Variants in ARID1A observed in about 807,000 individuals in gnomAD.
ARID1A encodes AT-rich interactive domain-containing protein 1A.
ARID1A carries 20 observed loss-of-function variants against 212.6 expected under a neutral mutation model. That is an observed-to-expected ratio of 0.09 (90% CI 0.07 to 0.14). The LOEUF (loss-of-function observed/expected upper bound fraction) is 0.14, where lower values mean the gene tolerates loss of function less well. Among genes scored for constraint, ARID1A ranks in the 10% least tolerant of loss-of-function variants. The probability of loss-of-function intolerance (pLI) is 1.00; values close to 1 mark genes in which losing one functional copy is unlikely to be tolerated. For synonymous variants in ARID1A, 1,376 were observed against 1,222.1 expected (o/e 1.13, Z -2.63); for missense variants, 2,587 against 3,059.0 (o/e 0.85, Z 3.64).
chr1:26,702,838 A>G (rs987902841), intron 1 of ARID1A, among the ~76,000 whole-genome samples: 6 of 152,294 alleles, frequency 3.9e-5, no homozygotes, highest in African/African-American at 9.6e-5. Context: ...GTTAAAGTCA[A>G]TTGCAGTTTC....
chr1:26,711,112 C>CTTT (rs2080449509), intron 1 of ARID1A, among the ~76,000 whole-genome samples: 1 of 151,196 alleles, frequency 6.6e-6, no homozygotes, highest in Admixed American at 6.6e-5. Flanking sequence ...ATGTCTCTTG[C>CTTT]TCTTTTTTTT....
chr1:26,777,533 C>T (rs527586583), intron 19 of ARID1A, among the ~76,000 whole-genome samples: 71 of 152,066 alleles, frequency 4.7e-4, no homozygotes, highest in African/African-American at 1.4e-3. Context: ...TTCCAGGCCC[C>T]GGATAACTTC....
Position 26,740,408 on chromosome 1 carries a change from T to G in ARID1A, c.1920+7616T>G, listed in dbSNP as rs537693256. ...CACTGATCCATTTATGTCTCAATAG[T>G]TGAAGGAAGAAGTCATGTTGAAGTT... On this transcript the variant is annotated intron_variant, in intron 4 of 19. Transcript: ENST00000324856. 5.3e-5 allele frequency among the ~76,000 whole-genome samples: 8 copies of G among 152,352 alleles called. No individual in the cohort carries two copies. The South Asian group carries it at 1.7e-3, about 32-fold the overall frequency.
chr1:26,740,367 C>A (rs1168854329), intron 4 of ARID1A, among the ~76,000 whole-genome samples: 5 of 152,146 alleles, frequency 3.3e-5, no homozygotes, highest in African/African-American at 1.2e-4. Flanking sequence ...TGAGTGCTGT[C>A]AGAGTTTGGT....
intron 1 of ARID1A, among the ~76,000 whole-genome samples, chr1:26,697,792 C>T (rs1293347515): frequency 6.6e-6 from 1 of 150,386 alleles, no homozygotes; most frequent in Non-Finnish European, 1.5e-5. Flanking sequence ...TCCCTTCGAA[C>T]TCCAGGGGTC....
At chr1:26,711,348 C>T (rs1310321289) in intron 1 of ARID1A, among the ~76,000 whole-genome samples, 1 of 152,058 alleles carries the variant, frequency 6.6e-6, no homozygotes, top group Admixed American at 6.6e-5. Flanking sequence ...GTCTCAAACT[C>T]CTGACCTCAA....
At position 26,717,248 on chromosome 1, in the gene ARID1A, C is replaced by A. The variant is rs535356054; in HGVS notation, c.1138-12403C>A. Among the ~76,000 whole-genome samples the A allele has an allele frequency of 4.6e-5, 7 of 152,292 alleles. 1 individual carries two copies. In the South Asian group the frequency reaches 1.2e-3, roughly 27 times the overall value. On this transcript the variant is annotated intron_variant, in intron 1 of 19. Transcript: ENST00000324856. Reference sequence around the variant, plus strand: ...TTTTTAAGTAGGTATTTTGAAACTGCTCTCAACCCCATTTTGCCATTTCTC... The same window carrying A: ...TTTTTAAGTAGGTATTTTGAAACTGATCTCAACCCCATTTTGCCATTTCTC...
At chr1:26,698,020 G>A (rs1240013124) in intron 1 of ARID1A, among the ~76,000 whole-genome samples, 4 of 152,202 alleles carry the variant, frequency 2.6e-5, no homozygotes, top group African/African-American at 9.6e-5. Context: ...GAGCTCGAGG[G>A]GACCTCGAGG....
At chr1:26,728,078 T>C (rs772217292) in intron 1 of ARID1A, among the ~76,000 whole-genome samples, 1 of 152,222 alleles carries the variant, frequency 6.6e-6, no homozygotes, top group Non-Finnish European at 1.5e-5. Context: ...AAAAATTGTT[T>C]AGTTAGGATT....
chr1:26,699,245 C>T (rs1448288659), intron 1 of ARID1A, among the ~76,000 whole-genome samples: 2 of 152,164 alleles, frequency 1.3e-5, no homozygotes, highest in Non-Finnish European at 2.9e-5. Context: ...GAAATTGCAA[C>T]TTCTGAGTAC....
intron 1 of ARID1A, chr1:26,729,348 G>A (rs532234062): frequency 2.5e-4 from 99 of 399,628 alleles, no homozygotes; most frequent in South Asian, 2.4e-3. Flanking sequence ...TCTACCAACT[G>A]AAGGGCCTTT....
chr1:26,723,589 A>AG (rs1275607317), intron 1 of ARID1A, among the ~76,000 whole-genome samples: 3 of 152,226 alleles, frequency 2.0e-5, no homozygotes, highest in African/African-American at 7.2e-5. Flanking sequence ...TCATGGCCAG[A>AG]GATTACGAGC....
In ARID1A at chr1:26,696,258, G is replaced by T. The variant is rs1214027198; in HGVS notation, c.-146G>T. 4.9e-6 allele frequency: 5 copies of T among 1,015,336 alleles called. No homozygotes were observed. The South Asian group carries it at 2.0e-4, about 40-fold the overall frequency. 62.9% of individuals were successfully genotyped at this position (1,015,336 alleles called of 1,614,324 possible). On this transcript the variant is annotated 5_prime_UTR_variant, in exon 1 of 20. Coordinates refer to ENST00000324856, the MANE Select transcript of ARID1A (RefSeq NM_006015.6). ...CCGGCGGGGCGGGGGGGAGAGGAGCGAGCGCAGCGCAGCAGCGGAGCCCCG... is the reference window on the plus strand; with the variant it reads ...CCGGCGGGGCGGGGGGGAGAGGAGCTAGCGCAGCGCAGCAGCGGAGCCCCG...
In ARID1A at chr1:26,716,622, GTTTTGT is replaced by G. The variant is rs1348427120; in HGVS notation, c.1138-13013_1138-13008del. Among the ~76,000 whole-genome samples the G allele has an allele frequency of 7.9e-5, 12 of 151,936 alleles. 1 individual carries two copies. Among genetic ancestry groups the G allele is most frequent in the Admixed American group, 1.3e-4 (2 of 15,236 alleles). ...CATTGTTCCTCAGCAAGGCTCTTCT[GTTTTGT>G]TTTTGTTTTTGTTTTACGGGGAGAT... On this transcript the variant is annotated intron_variant, in intron 1 of 19. Transcript: ENST00000324856.
chr1:26,741,786 A>ATT (rs1296643001), intron 4 of ARID1A, among the ~76,000 whole-genome samples: 1 of 152,232 alleles, frequency 6.6e-6, no homozygotes, highest in African/African-American at 2.4e-5. Context: ...TTTCTGAGCC[A>ATT]TTCTTTAGAT....
chr1:26,751,981 A>G (rs866425761), intron 4 of ARID1A, among the ~76,000 whole-genome samples: 6 of 152,202 alleles, frequency 3.9e-5, no homozygotes, highest in South Asian at 4.1e-4. Context: ...ATCCTATGCA[A>G]TGGTTTCTAA....
In ARID1A at chr1:26,780,446, G is replaced by A. The variant is rs1470694207; in HGVS notation, c.6548G>A (p.Arg2183His). The A allele has an allele frequency of 3.7e-6, 6 of 1,614,236 alleles. No individual in the cohort carries two copies. Among genetic ancestry groups the A allele is most frequent in the Non-Finnish European group, 5.1e-6 (6 of 1,180,036 alleles). ...NLAQGDSLAA[R>H]AIAVQKGSIG... ...GCTCAGGGGGACAGCCTGGCAGCTCGTGCCATTGCAGTGCAGAAGGGCAGT... is the reference window on the plus strand; with the variant it reads ...GCTCAGGGGGACAGCCTGGCAGCTCATGCCATTGCAGTGCAGAAGGGCAGT... Residue 2183 changes from arginine to histidine, a missense_variant, in exon 20 of 20, where the codon CGT becomes CAT. Physicochemically the swap from Arg to His is conservative, Grantham distance 29. Coordinates refer to ENST00000324856, the MANE Select transcript of ARID1A (RefSeq NM_006015.6). The surrounding 1 kb of genome is among the most constrained non-coding windows in gnomAD (Gnocchi z 7.2).
intron 4 of ARID1A, among the ~76,000 whole-genome samples, chr1:26,746,524 G>A (rs1447316204): frequency 6.6e-6 from 1 of 152,212 alleles, no homozygotes; most frequent in African/African-American, 2.4e-5. Flanking sequence ...GAAACCACTA[G>A]GGTCCTTTAA....
Position 26,696,995 on chromosome 1 carries a change from C to T in ARID1A, c.592C>T (p.Pro198Ser), listed in dbSNP as rs777557012. ...GGGGLEPYAG[P>S]QQNSHDHGFP... Reference sequence around the variant, plus strand: ...CGGGGGCCTGGAGCCCTACGCGGGGCCCCAGCAGAACTCTCACGACCACGG... The same window carrying T: ...CGGGGGCCTGGAGCCCTACGCGGGGTCCCAGCAGAACTCTCACGACCACGG... The change falls in exon 1 of 20, where the codon CCC becomes TCC. Residue 198 changes from proline (P) to serine (S), a missense_variant. Coordinates refer to ENST00000324856, the MANE Select transcript of ARID1A (RefSeq NM_006015.6). 9.2e-6 allele frequency: 14 copies of T among 1,519,834 alleles called. No homozygotes were observed. Among genetic ancestry groups the T allele is most frequent in the Admixed American group, 2.2e-5 (1 of 45,754 alleles). The allele number at this position is 1,519,834 out of a possible 1,614,324, so 94.1% of individuals were successfully genotyped here.
Sources: allele counts gnomAD v4.1 joint callset (sites outside exome capture counted in the v4.1 genomes callset), GRCh38; gene constraint gnomAD v4.1.1; non-coding constraint Gnocchi (gnomAD v3.1); transcripts MANE v1.5; gene names NCBI Gene and HGNC (gene_info 2026-07-23, HGNC 2026-07-21).